TMEM59: variants seen among roughly 807,000 people sequenced by gnomAD.
The protein encoded by TMEM59 is dendritic cell factor 1.
A neutral mutation model predicts 42.2 loss-of-function variants in TMEM59; 44 were observed. The observed-to-expected ratio is 1.04, with a 90% CI of 0.82 to 1.34. The LOEUF is 1.34. Ranked by LOEUF, TMEM59 falls within the 40% of genes most tolerant of loss-of-function variation. The pLI, the probability that TMEM59 is intolerant of heterozygous loss-of-function variation, is 0.00. For synonymous variants in TMEM59, 148 were observed against 145.8 expected (o/e 1.02, Z -0.11); for missense variants, 359 against 382.8 (o/e 0.94, Z 0.52).
rs1413147462 is a variant in TMEM59, at chr1:54,028,457, C to G, written c.*3693G>C. ...TTGCTTAAAATCTTTCAGTGGCTCT[C>G]TACTGTGCTCAGGATCAAGTGCAGG... On this transcript the variant is annotated 3_prime_UTR_variant, in exon 8 of 8. Coordinates refer to ENST00000234831, the MANE Select transcript of TMEM59 (RefSeq NM_004872.5). The G allele has an allele frequency of 6.6e-6, 1 of 152,220 alleles. No individual in the cohort carries two copies. The highest frequency in any genetic ancestry group is 1.5e-5 in the Non-Finnish European group (1 of 68,098). 9.4% of individuals were successfully genotyped at this position (152,220 alleles called of 1,614,324 possible). A position where few individuals can be genotyped will look rare whatever the true frequency, so the allele number is the denominator to read the frequency against.
intron 1 of TMEM59, chr1:54,048,609 T>TA: frequency 1.8e-5 from 7 of 392,598 alleles, no homozygotes; most frequent in African/African-American, 2.2e-5. Context: ...TAAAAGTATT[T>TA]AAAAAAAGCT....
chr1:54,052,386 C>G (rs1657575533), intron 1 of TMEM59, among the ~76,000 whole-genome samples: 1 of 152,176 alleles, frequency 6.6e-6, no homozygotes, highest in Non-Finnish European at 1.5e-5. Flanking sequence ...TTCTGGTAGG[C>G]AGACACCTAA....
rs930723793 is a variant in TMEM59 at position 54,027,550 on chromosome 1, C to T, written c.*4600G>A. 6.6e-6 allele frequency: 1 copy of T among 152,090 alleles called. No homozygotes were observed. The highest frequency in any genetic ancestry group is 2.4e-5 in the African/African-American group (1 of 41,400). The allele number at this position is 152,090 out of a possible 1,614,324, so 9.4% of individuals were successfully genotyped here. On this transcript the variant is annotated 3_prime_UTR_variant, in exon 8 of 8. Transcript: ENST00000234831. ...TTGGGAGGCTGAGGCGGGCAGATTA[C>T]CTGAGGCCAGGAGTTCGAGACCAGC...
intron 4 of TMEM59, among the ~76,000 whole-genome samples, chr1:54,042,091 T>C (rs1367081633): frequency 1.3e-5 from 2 of 149,228 alleles, no homozygotes; most frequent in South Asian, 2.1e-4. Context: ...GAGGGACAAA[T>C]CATGACATAC....
chr1:54,052,859 A>T, intron 1 of TMEM59, 141 bp downstream of exon 1: 1 of 930,444 alleles, frequency 1.1e-6, no homozygotes, highest in Non-Finnish European at 1.6e-6. Flanking sequence ...AGGATTAGGG[A>T]GGAAAACAGG....
intron 5 of TMEM59, among the ~76,000 whole-genome samples, chr1:54,041,447 C>T (rs369659121): frequency 1.4e-4 from 21 of 152,274 alleles, no homozygotes; most frequent in African/African-American, 4.6e-4. Flanking sequence ...AAGTGTGGCC[C>T]CCAGGCCAGC....
chr1:54,042,178 T>C (rs2100317900), intron 4 of TMEM59, among the ~76,000 whole-genome samples: 2 of 152,228 alleles, frequency 1.3e-5, no homozygotes, highest in East Asian at 3.9e-4. Context: ...CTGCCAAAAC[T>C]TTTGGCTAAA....
chr1:54,052,865 A>C lies in TMEM59; in HGVS notation c.189+135T>G, dbSNP rs371922774. On this transcript the variant is annotated intron_variant, in intron 1 of 7. Coordinates refer to ENST00000234831, the MANE Select transcript of TMEM59 (RefSeq NM_004872.5). ...GGTGCAGGCAGGATTAGGGAGGAAA[A>C]CAGGAGCTACACAGATGGGAGACAG... The C allele has an allele frequency of 2.6e-4, 260 of 1,006,210 alleles. No homozygotes were observed. The African/African-American group carries it at 3.7e-3, about 14-fold the overall frequency. 62.3% of individuals were successfully genotyped at this position (1,006,210 alleles called of 1,614,324 possible).
At chr1:54,037,771 G>A (rs1657001474) in intron 6 of TMEM59, among the ~76,000 whole-genome samples, 1 of 152,178 alleles carries the variant, frequency 6.6e-6, no homozygotes, top group Non-Finnish European at 1.5e-5. Flanking sequence ...ACTCCCATAT[G>A]ATTCTTTAAG....
Position 54,041,729 on chromosome 1 carries a change from A to G in TMEM59, c.620T>C (p.Met207Thr). ...TNLRESSLSK[M>T]SYLQMRNSQA... ...CTACTTAAAATAAAACTTACAGGAC[A>G]TTTTGCTTAGAGATGATTCTCTCAA... is the stretch of plus-strand genomic sequence containing the variant. The change falls in exon 5 of 8, where the codon ATG becomes ACG. Residue 207 changes from methionine to threonine, a missense_variant. Coordinates refer to ENST00000234831, the MANE Select transcript of TMEM59 (RefSeq NM_004872.5). 1 of 1,613,126 alleles carries G rather than the reference A, an allele frequency of 6.2e-7. No homozygotes were observed. Among genetic ancestry groups the G allele is most frequent in the Non-Finnish European group, 8.5e-7 (1 of 1,179,380 alleles).
At position 54,036,776 on chromosome 1, in the gene TMEM59, CTTAA is replaced by C. The variant is rs1420808069; in HGVS notation, c.708-62_708-59del. 4.1e-6 allele frequency: 5 copies of C among 1,218,824 alleles called. No individual in the cohort carries two copies. In the African/African-American group the frequency reaches 6.2e-5, roughly 15 times the overall value. 75.5% of individuals were successfully genotyped at this position (1,218,824 alleles called of 1,614,324 possible). A position where few individuals can be genotyped will look rare whatever the true frequency, so the allele number is the denominator to read the frequency against. ...AAAATTTTATAAGAAACAGGAAATT[CTTAA>C]TTAGTCAACCTTATGTACTTAGCTC... On this transcript the variant is annotated intron_variant, in intron 6 of 7. Transcript: ENST00000234831.
At chr1:54,052,134 A>C (rs1657564347) in intron 1 of TMEM59, among the ~76,000 whole-genome samples, 1 of 152,222 alleles carries the variant, frequency 6.6e-6, no homozygotes, top group African/African-American at 2.4e-5. Context: ...GGGAGGGCAT[A>C]TACTCAAATC....
chr1:54,030,057 G>C lies in TMEM59; in HGVS notation c.*2093C>G, dbSNP rs1029017953. ...ATCAATACTTTCAAGAGAAATGAAG[G>C]TATCTCAGGCACTTCTCATTCAGGA... On this transcript the variant is annotated 3_prime_UTR_variant, in exon 8 of 8. Transcript: ENST00000234831. 8.6e-5 allele frequency: 13 copies of C among 151,944 alleles called. No individual in the cohort carries two copies. Among genetic ancestry groups the C allele is most frequent in the African/African-American group, 3.1e-4 (13 of 41,342 alleles). The allele number at this position is 151,944 out of a possible 1,614,324, so 9.4% of individuals were successfully genotyped here.
chr1:54,052,843 G>A (rs781098624), intron 1 of TMEM59, among the ~76,000 whole-genome samples, 157 bp downstream of exon 1: 3 of 152,192 alleles, frequency 2.0e-5, no homozygotes, highest in South Asian at 2.1e-4. Context: ...GAAATGGGGT[G>A]CAGGCAGGAT....
intron 7 of TMEM59, chr1:54,034,356 T>G (rs1338419119): frequency 6.6e-6 from 1 of 152,130 alleles, no homozygotes; most frequent in African/African-American, 2.4e-5. Context: ...AAAGTGATTG[T>G]CACGATAGTT....
intron 6 of TMEM59, among the ~76,000 whole-genome samples, chr1:54,039,362 G>A (rs866792419): frequency 7.2e-5 from 11 of 152,162 alleles, no homozygotes; most frequent in Non-Finnish European, 1.3e-4. Context: ...GTACAGTACT[G>A]AGAACTGTAA....
In TMEM59 at chr1:54,047,580, G is replaced by C. The variant is rs182872483; in HGVS notation, c.190-208C>G. 1.3e-5 allele frequency: 6 copies of C among 469,866 alleles called. No homozygotes were observed. The South Asian group carries it at 1.8e-4, about 14-fold the overall frequency. The allele number at this position is 469,866 out of a possible 1,614,324, so 29.1% of individuals were successfully genotyped here. A position where few individuals can be genotyped will look rare whatever the true frequency, so the allele number is the denominator to read the frequency against. ...TAGTTCCTTATTTTAAAAGTGATACGAAGAAAAAAGCCTAGTAGGTAAAAC... is the reference window on the plus strand; with the variant it reads ...TAGTTCCTTATTTTAAAAGTGATACCAAGAAAAAAGCCTAGTAGGTAAAAC... On this transcript the variant is annotated intron_variant, in intron 1 of 7. Coordinates refer to ENST00000234831, the MANE Select transcript of TMEM59 (RefSeq NM_004872.5).
intron 5 of TMEM59, 141 bp from the exon 6 acceptor site, chr1:54,040,978 G>T: frequency 1.6e-6 from 1 of 635,000 alleles, no homozygotes; most frequent in Non-Finnish European, 2.7e-6. Flanking sequence ...ATGTGTACCA[G>T]TTTCTCTAGC....
rs1240641900 is a variant in TMEM59, at chr1:54,036,716, T to G, written c.710A>C (p.Asn237Thr). Residue 237 changes from asparagine to threonine, a missense_variant and splice_region_variant, in exon 7 of 8, where the codon AAC becomes ACC. Coordinates refer to ENST00000234831, the MANE Select transcript of TMEM59 (RefSeq NM_004872.5). ...AGTTGTAGTTAAAATCCACCCAGAG[T>G]TACTGGAAAAAAAAAATCAACAATT... ...SDGFLRCLSL[N>T]SGWILTTTLV... is the part of the protein sequence containing the mutation. 1.3e-6 allele frequency: 2 copies of G among 1,560,380 alleles called. No homozygotes were observed. The highest frequency in any genetic ancestry group is 1.7e-6 in the Non-Finnish European group (2 of 1,158,986).
Sources: allele counts gnomAD v4.1 joint callset (sites outside exome capture counted in the v4.1 genomes callset), GRCh38; gene constraint gnomAD v4.1.1; transcripts MANE v1.5; gene names NCBI Gene and HGNC (gene_info 2026-07-23, HGNC 2026-07-21).